Variants in PAWR observed in about 807,000 individuals in gnomAD.
The protein encoded by PAWR is PRKC apoptosis WT1 regulator protein.
Under a neutral mutation model 32.0 loss-of-function variants are expected in PAWR, and 23 were observed. The observed-to-expected ratio is 0.72, with a 90% CI of 0.52 to 1.02. The LOEUF (loss-of-function observed/expected upper bound fraction) is 1.02, where lower values mean the gene tolerates loss of function less well. PAWR is among the 50% of genes least tolerant of loss of function. The pLI is 0.00. For missense variants in PAWR, 457 were observed against 437.7 expected, an observed-to-expected ratio of 1.04 and a Z score of -0.39; for synonymous variants, 226 against 187.1, an observed-to-expected ratio of 1.21 and a Z score of -1.70.
Position 79,611,390 on chromosome 12 carries a change from C to G in PAWR, c.683+2185G>C, listed in dbSNP as rs537388014. ...TTATTAGGTTTACTGAAAATATTTTCTTACATGTGATGCCAAATTTCTATC... is the reference window on the plus strand; with the variant it reads ...TTATTAGGTTTACTGAAAATATTTTGTTACATGTGATGCCAAATTTCTATC... On this transcript the variant is annotated intron_variant, in intron 4 of 6. Transcript: ENST00000328827. Among the ~76,000 whole-genome samples, 725 of 150,162 alleles carry G rather than the reference C, an allele frequency of 4.8e-3. 7 individuals carry two copies. The highest frequency in any genetic ancestry group is 0.017 in the African/African-American group (690 of 41,128).
chr12:79,597,094 T>C (rs1041847541), intron 4 of PAWR: 1 of 152,802 alleles, frequency 6.5e-6, no homozygotes, highest in Non-Finnish European at 1.5e-5. Context: ...GTCTCACTCT[T>C]GTCACCCAGA....
rs528356397 is a variant in PAWR at position 79,675,106 on chromosome 12, G to A, written c.516+14623C>T. Among the ~76,000 whole-genome samples the A allele has an allele frequency of 9.2e-5, 14 of 152,302 alleles. No homozygotes were observed. In the East Asian group the frequency reaches 1.4e-3, roughly 15 times the overall value. ...ATCATTCTACCACAGGGCCAGGCAC[G>A]GTGGCTCATGCCTGTAATCACAGCA... is the stretch of plus-strand genomic sequence containing the variant. On this transcript the variant is annotated intron_variant, in intron 2 of 6. Coordinates refer to ENST00000328827, the MANE Select transcript of PAWR (RefSeq NM_002583.4).
intron 4 of PAWR, among the ~76,000 whole-genome samples, chr12:79,609,552 G>A (rs1229453999): frequency 6.6e-6 from 1 of 151,978 alleles, no homozygotes; most frequent in African/African-American, 2.4e-5. Context: ...AAAAACCTCA[G>A]GCTCTGCCAC....
At chr12:79,612,647 A>G (rs1008777625) in intron 4 of PAWR, among the ~76,000 whole-genome samples, 4 of 152,156 alleles carry the variant, frequency 2.6e-5, no homozygotes, top group Non-Finnish European at 1.5e-5. Context: ...TTCCTGCCTT[A>G]TAAGATAATC....
intron 2 of PAWR, among the ~76,000 whole-genome samples, chr12:79,680,405 A>G (rs8176809): frequency 0.019 from 2,875 of 152,290 alleles, 102 homozygotes; most frequent in African/African-American, 0.065. Flanking sequence ...AACACTTTTC[A>G]AAAAGTTTAG....
intron 2 of PAWR, among the ~76,000 whole-genome samples, chr12:79,679,145 T>C (rs546256160): frequency 7.2e-5 from 11 of 152,286 alleles, no homozygotes; most frequent in Middle Eastern, 3.4e-3. Context: ...TAATTATTTA[T>C]CTCTTTCCCT....
chr12:79,626,843 G>A (rs1416834277), intron 2 of PAWR, among the ~76,000 whole-genome samples: 3 of 151,914 alleles, frequency 2.0e-5, no homozygotes, highest in Admixed American at 6.6e-5. Context: ...TGCGGTGTTT[G>A]GTTTTCTGTC....
At chr12:79,623,351 T>C (rs1007233299) in intron 2 of PAWR, among the ~76,000 whole-genome samples, 7 of 152,162 alleles carry the variant, frequency 4.6e-5, no homozygotes, top group African/African-American at 1.4e-4. Flanking sequence ...ACTCAAGACA[T>C]TGATGTCCAC....
chr12:79,643,684 T>TGATTTGC (rs1473368632), intron 2 of PAWR, among the ~76,000 whole-genome samples: 1 of 152,148 alleles, frequency 6.6e-6, no homozygotes, highest in Non-Finnish European at 1.5e-5. Flanking sequence ...ATCCACTGAA[T>TGATTTGC]AGTCAGCTCA....
chr12:79,602,770 ATTTT>A, intron 4 of PAWR, among the ~76,000 whole-genome samples: 1 of 139,386 alleles, frequency 7.2e-6, no homozygotes, highest in South Asian at 2.3e-4. Flanking sequence ...TACCTGGCTA[ATTTT>A]TTTTTTTTTT....
rs1053920578 is a variant in PAWR, at chr12:79,586,767, A to G, written c.*5840T>C. The G allele has an allele frequency of 2.6e-5, 4 of 152,196 alleles. No homozygotes were observed. Among genetic ancestry groups the G allele is most frequent in the Non-Finnish European group, 5.9e-5 (4 of 68,006 alleles). 9.4% of individuals were successfully genotyped at this position (152,196 alleles called of 1,614,324 possible). On this transcript the variant is annotated 3_prime_UTR_variant, in exon 7 of 7. Transcript: ENST00000328827. ...TCTTTAAAAGGATTTTGATTCAGTCATAACAGATTTTTGAAAGTGACAGTA... is the reference window on the plus strand; with the variant it reads ...TCTTTAAAAGGATTTTGATTCAGTCGTAACAGATTTTTGAAAGTGACAGTA...
intron 2 of PAWR, among the ~76,000 whole-genome samples, chr12:79,643,382 T>C (rs574713717): frequency 1.3e-5 from 2 of 152,230 alleles, no homozygotes; most frequent in East Asian, 3.9e-4. Context: ...AACACAAACT[T>C]CTTATCAAGG....
At chr12:79,623,229 A>T (rs1875115561) in intron 2 of PAWR, among the ~76,000 whole-genome samples, 2 of 152,204 alleles carry the variant, frequency 1.3e-5, no homozygotes, top group Admixed American at 1.3e-4. Flanking sequence ...TTAAGAAATT[A>T]GTCCTTATTA....
At chr12:79,686,646 C>T (rs1219755295) in intron 2 of PAWR, among the ~76,000 whole-genome samples, 2 of 152,056 alleles carry the variant, frequency 1.3e-5, no homozygotes, top group Admixed American at 1.3e-4. Flanking sequence ...CACTGCATGT[C>T]GGTACTTAAT....
intron 3 of PAWR, among the ~76,000 whole-genome samples, chr12:79,614,934 G>A (rs1025215147): frequency 3.9e-5 from 6 of 152,188 alleles, no homozygotes; most frequent in African/African-American, 1.2e-4. Context: ...ACCTCTATCA[G>A]TGTCTACTGA....
At position 79,588,117 on chromosome 12, in the gene PAWR, A is replaced by G. The variant is rs187721266; in HGVS notation, c.*4490T>C. 2.2e-4 allele frequency: 33 copies of G among 152,140 alleles called. No homozygotes were observed. Among genetic ancestry groups the G allele is most frequent in the African/African-American group, 7.0e-4 (29 of 41,568 alleles). 9.4% of individuals were successfully genotyped at this position (152,140 alleles called of 1,614,324 possible). On this transcript the variant is annotated 3_prime_UTR_variant, in exon 7 of 7. Coordinates refer to ENST00000328827, the MANE Select transcript of PAWR (RefSeq NM_002583.4). Reference sequence around the variant, plus strand: ...AATCTTCCAAGAAATAAGTTCACCAAAAAAGTAGCATACACCTATTTGGTA... The same window carrying G: ...AATCTTCCAAGAAATAAGTTCACCAGAAAAGTAGCATACACCTATTTGGTA...
At chr12:79,607,286 C>CT (rs1315190525) in intron 4 of PAWR, among the ~76,000 whole-genome samples, 1 of 151,548 alleles carries the variant, frequency 6.6e-6, no homozygotes, top group African/African-American at 2.4e-5. Context: ...GAGACTCTGT[C>CT]TTTAAAAAAA....
At chr12:79,688,513 T>C (rs958521806) in intron 2 of PAWR, 12 of 150,864 alleles carry the variant, frequency 8.0e-5, no homozygotes, top group African/African-American at 2.9e-4. Context: ...TTACCACTCT[T>C]ACGAATTCCT....
chr12:79,619,584 T>C (rs964122501), intron 3 of PAWR, among the ~76,000 whole-genome samples: 1 of 152,196 alleles, frequency 6.6e-6, no homozygotes, highest in African/African-American at 2.4e-5. Flanking sequence ...ATTGGAGGTC[T>C]TGGAACATAA....
Sources: gnomAD v4.1 joint callset for allele counts (sites outside exome capture counted in the v4.1 genomes callset) on GRCh38, gnomAD v4.1.1 for gene constraint, MANE v1.5 for transcripts, NCBI Gene and HGNC (gene_info 2026-07-23, HGNC 2026-07-21) for gene names.